HS3ST5: variants seen among roughly 807,000 people sequenced by gnomAD.
The protein encoded by HS3ST5 is heparan sulfate glucosamine 3-O-sulfotransferase 5.
Under a neutral mutation model 25.4 loss-of-function variants are expected in HS3ST5, and 10 were observed. That is an observed-to-expected ratio of 0.39 (90% CI 0.24 to 0.67). HS3ST5 has a LOEUF of 0.67. HS3ST5 is among the 30% of genes least tolerant of loss of function. The pLI, the probability that HS3ST5 is intolerant of heterozygous loss-of-function variation, is 0.44. For synonymous variants in HS3ST5, 170 were observed against 162.4 expected, an observed-to-expected ratio of 1.05 and a Z score of -0.36; for missense variants, 324 against 420.7, an observed-to-expected ratio of 0.77 and a Z score of 2.01.
chr6:114,272,557 C>A (rs1280966904), intron 1 of HS3ST5, among the ~76,000 whole-genome samples: 1 of 152,092 alleles, frequency 6.6e-6, no homozygotes, highest in East Asian at 1.9e-4. Context: ...TAAGATGGAA[C>A]ACCAAAGTCT....
At chr6:114,087,985 G>A (rs1005682423) in intron 3 of HS3ST5, among the ~76,000 whole-genome samples, 3 of 152,128 alleles carry the variant, frequency 2.0e-5, no homozygotes, top group African/African-American at 4.8e-5. Flanking sequence ...AGCTTGAGAT[G>A]TACCAAAAGT....
At chr6:114,285,850 C>T (rs1024231011) in intron 1 of HS3ST5, among the ~76,000 whole-genome samples, 2 of 151,914 alleles carry the variant, frequency 1.3e-5, no homozygotes, top group African/African-American at 4.8e-5. Flanking sequence ...AATTATAGTA[C>T]ATTTAATTAT....
intron 3 of HS3ST5, among the ~76,000 whole-genome samples, chr6:114,077,788 G>A (rs1198102191): frequency 6.6e-6 from 1 of 152,092 alleles, no homozygotes; most frequent in Non-Finnish European, 1.5e-5. Flanking sequence ...TTTTGTTTTT[G>A]TTTTTAATGA....
chr6:114,165,668 T>C (rs1445670083), intron 3 of HS3ST5, among the ~76,000 whole-genome samples: 1 of 152,192 alleles, frequency 6.6e-6, no homozygotes, highest in Non-Finnish European at 1.5e-5. Flanking sequence ...AGTACCTACC[T>C]CAGGACACTG....
intron 1 of HS3ST5, among the ~76,000 whole-genome samples, chr6:114,269,679 G>A (rs1337449158): frequency 6.6e-6 from 1 of 152,106 alleles, no homozygotes; most frequent in Non-Finnish European, 1.5e-5. Flanking sequence ...AAATATACAA[G>A]AGTCCATTTG....
intron 1 of HS3ST5, among the ~76,000 whole-genome samples, chr6:114,286,691 T>C (rs1437483593): frequency 6.6e-6 from 1 of 152,022 alleles, no homozygotes; most frequent in Non-Finnish European, 1.5e-5. Context: ...CTTATTAAAT[T>C]TTTTTCCCTC....
intron 2 of HS3ST5, among the ~76,000 whole-genome samples, chr6:114,201,708 T>C (rs1481683097): frequency 6.6e-6 from 1 of 152,202 alleles, no homozygotes; most frequent in Non-Finnish European, 1.5e-5. Context: ...CTGGATAATT[T>C]ATAAAGGAAA....
At position 114,057,513 on chromosome 6, in the gene HS3ST5, G is replaced by T. The variant is rs1177679736; in HGVS notation, c.785C>A (p.Pro262His). 1 of 1,614,066 alleles carries T rather than the reference G, an allele frequency of 6.2e-7. No individual in the cohort carries two copies. Among genetic ancestry groups the T allele is most frequent in the Non-Finnish European group, 8.5e-7 (1 of 1,180,038 alleles). Reference protein sequence around the residue: ...VVDGDRLITEPLPELQLVEKF... With the variant: ...VVDGDRLITEHLPELQLVEKF... ...CTCCACGAGCTGAAGTTCTGGCAGAGGTTCCGTGATGAGGCGATCTCCATC... is the reference window on the plus strand; with the variant it reads ...CTCCACGAGCTGAAGTTCTGGCAGATGTTCCGTGATGAGGCGATCTCCATC... The change falls in exon 5 of 5, where the codon CCT (proline) becomes CAT (histidine). Residue 262 changes from proline (P) to histidine (H), a missense_variant. Physicochemically the swap from Pro to His is moderately conservative, Grantham distance 77. This residue lies in a region of HS3ST5 where 203 missense variants were observed against 303.4 expected (regional missense o/e 0.67). Coordinates refer to ENST00000312719, the MANE Select transcript of HS3ST5 (RefSeq NM_153612.4).
At chr6:114,187,173 C>G (rs1048307454) in intron 2 of HS3ST5, among the ~76,000 whole-genome samples, 14 of 152,184 alleles carry the variant, frequency 9.2e-5, no homozygotes, top group Admixed American at 5.9e-4. Context: ...GTCCATAGAT[C>G]AAGGTGTTAT....
At chr6:114,071,267 G>A (rs1773805053) in intron 3 of HS3ST5, among the ~76,000 whole-genome samples, 1 of 152,168 alleles carries the variant, frequency 6.6e-6, no homozygotes, top group Non-Finnish European at 1.5e-5. Flanking sequence ...GAGTAAATGG[G>A]CATGTGTTGC....
chr6:114,207,434 C>G (rs1047565663), intron 2 of HS3ST5, among the ~76,000 whole-genome samples: 21 of 152,122 alleles, frequency 1.4e-4, no homozygotes, highest in Admixed American at 6.5e-5. Context: ...AATACTATCT[C>G]TGCTACAGGG....
intron 3 of HS3ST5, among the ~76,000 whole-genome samples, chr6:114,152,212 G>A (rs752988408): frequency 2.6e-5 from 4 of 152,172 alleles, no homozygotes; most frequent in East Asian, 3.9e-4. Context: ...ATGAGCCACC[G>A]TGCCAGGCCA....
At chr6:114,243,516 A>T (rs1221289205) in intron 1 of HS3ST5, among the ~76,000 whole-genome samples, 3 of 152,222 alleles carry the variant, frequency 2.0e-5, no homozygotes, top group Non-Finnish European at 4.4e-5. Context: ...AAGCAGCAGC[A>T]GGGATTCTAG....
At position 114,137,813 on chromosome 6, in the gene HS3ST5, T is replaced by A. The variant is rs558652466; in HGVS notation, c.-33+30538A>T. Among the ~76,000 whole-genome samples the A allele has an allele frequency of 1.3e-3, 200 of 152,330 alleles. 1 individual carries two copies. The highest frequency in any genetic ancestry group is 2.4e-3 in the Non-Finnish European group (160 of 68,026). ...CCCATTTCCTGCTTCTGATGTCTCCTCTGGCATCCAACGCTGTGCCTTGTT... is the reference window on the plus strand; with the variant it reads ...CCCATTTCCTGCTTCTGATGTCTCCACTGGCATCCAACGCTGTGCCTTGTT... On this transcript the variant is annotated intron_variant, in intron 3 of 4. Transcript: ENST00000312719.
At chr6:114,147,394 C>T (rs935265206) in intron 3 of HS3ST5, among the ~76,000 whole-genome samples, 1 of 152,106 alleles carries the variant, frequency 6.6e-6, no homozygotes, top group East Asian at 1.9e-4. Flanking sequence ...GGGTTGTTTG[C>T]CCTTCATTTC....
At chr6:114,224,049 T>C (rs1782165815) in intron 2 of HS3ST5, among the ~76,000 whole-genome samples, 1 of 151,606 alleles carries the variant, frequency 6.6e-6, no homozygotes, top group African/African-American at 2.4e-5. Flanking sequence ...GTCCCTCTTT[T>C]GTGTTAGTAA....
intron 1 of HS3ST5, among the ~76,000 whole-genome samples, chr6:114,262,119 T>G (rs1244394286): frequency 6.6e-6 from 1 of 152,252 alleles, no homozygotes; most frequent in African/African-American, 2.4e-5. Flanking sequence ...ATTATTCATC[T>G]GAATAATGAG....
intron 2 of HS3ST5, among the ~76,000 whole-genome samples, chr6:114,175,617 G>T (rs145073669): frequency 5.9e-4 from 90 of 152,272 alleles, no homozygotes; most frequent in African/African-American, 2.1e-3. Flanking sequence ...GTAGGGGAGG[G>T]CACGTGAGGG....
intron 2 of HS3ST5, among the ~76,000 whole-genome samples, chr6:114,218,156 C>A (rs1243732168): frequency 6.6e-6 from 1 of 152,050 alleles, no homozygotes; most frequent in Non-Finnish European, 1.5e-5. Context: ...TGCTACCATG[C>A]CCAGTTAAGT....
Sources: allele counts gnomAD v4.1 joint callset (sites outside exome capture counted in the v4.1 genomes callset), GRCh38; gene constraint gnomAD v4.1.1; regional missense constraint gnomAD v4.1.1; transcripts MANE v1.5; gene names NCBI Gene and HGNC (gene_info 2026-07-23, HGNC 2026-07-21).